Variants in ATG7 observed in about 807,000 individuals in gnomAD.
ATG7 encodes the protein ubiquitin-like modifier-activating enzyme ATG7.
Under a neutral mutation model 82.4 loss-of-function variants are expected in ATG7, and 70 were observed. The ratio of observed to expected loss-of-function variants is 0.85; its 90% CI spans 0.70 to 1.04. The LOEUF (loss-of-function observed/expected upper bound fraction) is 1.04. Among genes scored for constraint, ATG7 ranks in the 50% least tolerant of loss-of-function variants. The pLI is 0.00. For synonymous variants in ATG7, 287 were observed against 313.0 expected, an observed-to-expected ratio of 0.92 and a Z score of 0.88; for missense variants, 792 against 864.3, an observed-to-expected ratio of 0.92 and a Z score of 1.05.
At chr3:11,564,771 C>A in the ATG7 span, 1 of 1,531,760 alleles carries the variant, frequency 6.5e-7, no homozygotes, top group Non-Finnish European at 8.7e-7. Flanking sequence ...GGACTCCCCA[C>A]GCCACCCTCC....
At chr3:11,442,770 A>AAAAAAAAAAAG (rs2084122215) in intron 20 of ATG7, among the ~76,000 whole-genome samples, 1 of 148,442 alleles carries the variant, frequency 6.7e-6, no homozygotes, top group Non-Finnish European at 1.5e-5. Context: ...AAAAAAAAAA[A>AAAAAAAAAAAG]ATTAGCCAGG....
At chr3:11,507,331 G>A (rs1259545896) in intron 20 of ATG7, among the ~76,000 whole-genome samples, 3 of 152,078 alleles carry the variant, frequency 2.0e-5, no homozygotes, top group Non-Finnish European at 2.9e-5. Context: ...AAAACACAGA[G>A]TTACAAAGGA....
intron 20 of ATG7, among the ~76,000 whole-genome samples, chr3:11,526,701 C>G (rs565760307): frequency 6.6e-6 from 1 of 152,208 alleles, no homozygotes; most frequent in South Asian, 2.1e-4. Context: ...AGTTTATACT[C>G]TTGTTGTCTG....
At chr3:11,517,994 G>A (rs2092331523) in intron 20 of ATG7, among the ~76,000 whole-genome samples, 1 of 152,190 alleles carries the variant, frequency 6.6e-6, no homozygotes, top group Non-Finnish European at 1.5e-5. Flanking sequence ...AGAGAGGGCA[G>A]GCTAGAAAGA....
intron 5 of ATG7, among the ~76,000 whole-genome samples, chr3:11,301,378 A>G (rs944925267): frequency 1.3e-5 from 2 of 152,214 alleles, no homozygotes; most frequent in Non-Finnish European, 2.9e-5. Flanking sequence ...AAGAAGTCTT[A>G]TAGGTCTTTC....
chr3:11,558,939 G>C (rs1559850543), downstream of ATG7: 4 of 1,318,462 alleles, frequency 3.0e-6, no homozygotes, highest in South Asian at 5.5e-5. Context: ...GCCACGGTCA[G>C]CGTGGGCTCT....
At chr3:11,311,603 C>CAAA (rs1320350651) in intron 7 of ATG7, among the ~76,000 whole-genome samples, 2 of 82,226 alleles carry the variant, frequency 2.4e-5, no homozygotes, top group African/African-American at 9.2e-5. Flanking sequence ...AGACTGTCTC[C>CAAA]AAAAAAAAAA....
At chr3:11,570,865 C>T in the ATG7 span, among the ~76,000 whole-genome samples, 1 of 152,226 alleles carries the variant, frequency 6.6e-6, no homozygotes, top group East Asian at 1.9e-4. Context: ...GTGAACTCAT[C>T]ACCGTGGCTT....
chr3:11,516,487 C>T (rs951842577), intron 20 of ATG7, among the ~76,000 whole-genome samples: 1 of 152,212 alleles, frequency 6.6e-6, no homozygotes, highest in Admixed American at 6.5e-5. Context: ...AACTCTCATT[C>T]ATTGCTGGTG....
chr3:11,451,702 T>C (rs1277415674), intron 20 of ATG7, among the ~76,000 whole-genome samples: 1 of 151,572 alleles, frequency 6.6e-6, no homozygotes, highest in Non-Finnish European at 1.5e-5. Context: ...GACACAGATT[T>C]TATACGAATT....
At chr3:11,518,655 G>GAT in intron 20 of ATG7, among the ~76,000 whole-genome samples, 1 of 152,298 alleles carries the variant, frequency 6.6e-6, no homozygotes, top group Non-Finnish European at 1.5e-5. Flanking sequence ...CTGAGATGGA[G>GAT]ATGGACATCT....
intron 20 of ATG7, among the ~76,000 whole-genome samples, chr3:11,479,009 C>CAT (rs2088605995): frequency 6.7e-6 from 1 of 148,916 alleles, no homozygotes; most frequent in African/African-American, 2.6e-5. Context: ...CACACACACA[C>CAT]ACACACACAC....
chr3:11,419,741 T>G (rs1249959137), intron 19 of ATG7, among the ~76,000 whole-genome samples: 1 of 151,892 alleles, frequency 6.6e-6, no homozygotes, highest in Non-Finnish European at 1.5e-5. Context: ...TAGTAAAGAG[T>G]AAGGAGTCAC....
At chr3:11,573,407 A>G in the ATG7 span, among the ~76,000 whole-genome samples, 135 of 151,586 alleles carry the variant, frequency 8.9e-4, no homozygotes, top group African/African-American at 2.7e-3. Flanking sequence ...AAATGGCCCC[A>G]TAGTGCTTAA....
At chr3:11,560,137 C>G (rs2072847688), downstream of ATG7, among the ~76,000 whole-genome samples, 1 of 152,164 alleles carries the variant, frequency 6.6e-6, no homozygotes, top group Non-Finnish European at 1.5e-5. Flanking sequence ...AAGCCTTTCA[C>G]TGGCCACCGC....
At chr3:11,559,318 C>G, downstream of ATG7, 1 of 1,526,576 alleles carries the variant, frequency 6.6e-7, no homozygotes. Flanking sequence ...GGTGAGGAGG[C>G]CCGGGACACT....
At chr3:11,563,177 A>C in the ATG7 span, among the ~76,000 whole-genome samples, 1 of 152,188 alleles carries the variant, frequency 6.6e-6, no homozygotes, top group Non-Finnish European at 1.5e-5. Flanking sequence ...GCTCACAGTT[A>C]TGTCCCCCAG....
At position 11,313,305 on chromosome 3, in the gene ATG7, A is replaced by T. The variant is rs1171441091; in HGVS notation, c.413A>T (p.Asp138Val). Residue 138 changes from aspartate to valine, a missense_variant and splice_region_variant, in exon 8 of 21, where the codon GAT (aspartate) becomes GTT (valine). Physicochemically the swap from Asp to Val is radical, Grantham distance 152. Coordinates refer to ENST00000693202, the MANE Select transcript of ATG7 (RefSeq NM_001349232.2). ...LNKFLLLTFA[D>V]LKKYHFYYWF... ...ACTTATTTATACTTTTTTTTCTAGG[A>T]TCTAAAGAAGTACCACTTCTACTAT... is the stretch of plus-strand genomic sequence containing the variant. 3 of 1,581,752 alleles carry T rather than the reference A, an allele frequency of 1.9e-6. No homozygotes were observed. Among genetic ancestry groups the T allele is most frequent in the Non-Finnish European group, 2.6e-6 (3 of 1,156,922 alleles).
At chr3:11,464,393 T>C (rs2086633295) in intron 20 of ATG7, among the ~76,000 whole-genome samples, 1 of 152,168 alleles carries the variant, frequency 6.6e-6, no homozygotes, top group African/African-American at 2.4e-5. Flanking sequence ...ATTAAAAAAT[T>C]ATGTATTCAG....
Sources: allele counts gnomAD v4.1 joint callset (sites outside exome capture counted in the v4.1 genomes callset), GRCh38; gene constraint gnomAD v4.1.1; transcripts MANE v1.5; gene names NCBI Gene and HGNC (gene_info 2026-07-23, HGNC 2026-07-21).